SORBS2: variants seen among roughly 807,000 people sequenced by gnomAD.
The protein encoded by SORBS2 is sorbin and SH3 domain-containing protein 2.
A neutral mutation model predicts 97.7 loss-of-function variants in SORBS2; 46 were observed. The observed-to-expected ratio is 0.47, with a 90% CI of 0.37 to 0.60. The LOEUF is 0.60. Among genes scored for constraint, SORBS2 ranks in the 20% least tolerant of loss-of-function variants. SORBS2 has a pLI of 0.00. For synonymous variants in SORBS2, 476 were observed against 473.4 expected, an observed-to-expected ratio of 1.01 and a Z score of -0.07; for missense variants, 1,316 against 1,282.3, an observed-to-expected ratio of 1.03 and a Z score of -0.40.
At chr4:185,885,054 G>GA (rs983927799) in intron 1 of SORBS2, among the ~76,000 whole-genome samples, 28 of 150,870 alleles carry the variant, frequency 1.9e-4, no homozygotes, top group South Asian at 4.2e-4. Context: ...GCAACAAGAA[G>GA]AAAAAAAAAT....
In SORBS2 at chr4:185,905,757, C is replaced by CCCGG. The variant is rs1352032348; in HGVS notation, c.-338+50435_-338+50438dup. On this transcript the variant is annotated intron_variant, in intron 1 of 20. Transcript: ENST00000284776. ...GGGATTACACACATGAGCTACTAGG[C>CCCGG]CCGGCCTCTTCTGTCTTTTTGTAGG... Among the ~76,000 whole-genome samples the CCCGG allele has an allele frequency of 3.9e-5, 6 of 152,274 alleles. No individual in the cohort carries two copies. The East Asian group carries it at 1.2e-3, about 29-fold the overall frequency.
At chr4:185,874,050 C>G (rs1247957990) in intron 1 of SORBS2, among the ~76,000 whole-genome samples, 1 of 152,098 alleles carries the variant, frequency 6.6e-6, no homozygotes, top group Non-Finnish European at 1.5e-5. Flanking sequence ...TTCACTTACT[C>G]TTTATTCTGA....
chr4:185,815,147 T>C (rs999366991), intron 1 of SORBS2, among the ~76,000 whole-genome samples: 1 of 152,206 alleles, frequency 6.6e-6, no homozygotes, highest in Non-Finnish European at 1.5e-5. Flanking sequence ...GCTAATATAA[T>C]AGGTGCAGAG....
At position 185,820,630 on chromosome 4, in the gene SORBS2, C is replaced by G. The variant is rs543776567; in HGVS notation, c.-337-45264G>C. ...GCGGACACCTTGCCTGCGGGGAAGG[C>G]CTACGGAGGCCTTGCAGACAGCGTC... is the stretch of plus-strand genomic sequence containing the variant. On this transcript the variant is annotated intron_variant, in intron 1 of 20. Coordinates refer to the SORBS2 transcript ENST00000284776. Among the ~76,000 whole-genome samples the G allele has an allele frequency of 2.0e-5, 3 of 152,292 alleles. No homozygotes were observed. In the South Asian group the frequency reaches 6.2e-4, roughly 32 times the overall value.
At chr4:185,758,573 C>T (rs1419148889) in intron 2 of SORBS2, among the ~76,000 whole-genome samples, 1 of 152,158 alleles carries the variant, frequency 6.6e-6, no homozygotes, top group Non-Finnish European at 1.5e-5. Context: ...CATCTCTTGC[C>T]GTCTCCTCCA....
intron 7 of SORBS2, 113 bp from the exon 20 acceptor site, chr4:185,620,264 C>T (rs375317201): frequency 3.6e-5 from 26 of 727,922 alleles, no homozygotes; most frequent in South Asian, 2.8e-4. Context: ...GGAGAGACAC[C>T]GTTATCGAAC....
intron 1 of SORBS2, among the ~76,000 whole-genome samples, chr4:185,862,670 C>T (rs2099224532): frequency 6.6e-6 from 1 of 152,224 alleles, no homozygotes; most frequent in Non-Finnish European, 1.5e-5. Flanking sequence ...ATTTCACACA[C>T]AATATGCAAG....
In SORBS2 at chr4:185,711,888, C is replaced by G. The variant is rs538498668; in HGVS notation, c.-197-33066G>C. ...ACACTCAGCTGACCGTGCTCCCCGC[C>G]ACCTATCCTCTCCACTGATGGAGTT... On this transcript the variant is annotated intron_variant, in intron 2 of 20. Transcript: ENST00000284776. Among the ~76,000 whole-genome samples, 502 of 152,270 alleles carry G rather than the reference C, an allele frequency of 3.3e-3. 3 individuals carry two copies. The highest frequency in any genetic ancestry group is 0.012 in the African/African-American group (479 of 41,546).
At position 185,796,128 on chromosome 4, in the gene SORBS2, A is replaced by G. The variant is rs2099103487; in HGVS notation, c.-337-20762T>C. On this transcript the variant is annotated intron_variant, in intron 1 of 20. Transcript: ENST00000284776. ...ACTGTGTTGCCCAGGGTGGTCTCAA[A>G]CTACTGGGCTCAAGTAATCCTCCTG... Among the ~76,000 whole-genome samples the G allele has an allele frequency of 2.0e-5, 3 of 152,270 alleles. 1 individual carries two copies. The South Asian group carries it at 6.2e-4, about 32-fold the overall frequency.
In SORBS2 at chr4:185,831,901, G is replaced by A. The variant is rs376649235; in HGVS notation, c.-337-56535C>T. On this transcript the variant is annotated intron_variant, in intron 1 of 20. Transcript: ENST00000284776. ...CATCTCTAAAGTGGAACTAATACTAGCACCTTATTAAAATGGTGAAAGATT... is the reference window on the plus strand; with the variant it reads ...CATCTCTAAAGTGGAACTAATACTAACACCTTATTAAAATGGTGAAAGATT... Among the ~76,000 whole-genome samples, 23 of 152,294 alleles carry A rather than the reference G, an allele frequency of 1.5e-4. No individual in the cohort carries two copies. In the East Asian group the frequency reaches 4.4e-3, roughly 29 times the overall value.
chr4:185,656,910 T>C, exon 1 of SORBS2: 1 of 1,239,234 alleles, frequency 8.1e-7, no homozygotes, highest in Non-Finnish European at 1.0e-6. Context: ...CAGACAGCTT[T>C]TCCTTTCCAT....
intron 1 of SORBS2, among the ~76,000 whole-genome samples, chr4:185,778,663 A>G (rs1247921241): frequency 6.6e-6 from 1 of 152,206 alleles, no homozygotes; most frequent in African/African-American, 2.4e-5. Context: ...TGACTCGAGC[A>G]TCTGCATACG....
At chr4:185,669,451 A>G (rs1021116315) in intron 4 of SORBS2, among the ~76,000 whole-genome samples, 1 of 152,140 alleles carries the variant, frequency 6.6e-6, no homozygotes, top group Non-Finnish European at 1.5e-5. Flanking sequence ...CAACACATCT[A>G]TAGTCATAAG....
rs1579268497 is a variant in SORBS2 at position 185,871,271 on chromosome 4, G to A, written c.-338+84925C>T. On this transcript the variant is annotated intron_variant, in intron 1 of 20. Coordinates refer to the SORBS2 transcript ENST00000284776. The stretch of plus-strand genomic sequence containing the variant: ...TGTATTTCAAAATATTCACGTTTCC[G>A]AGAATACCGAGGACATGAAGCTCAG... Among the ~76,000 whole-genome samples the A allele has an allele frequency of 3.3e-5, 5 of 152,038 alleles. No homozygotes were observed. In the East Asian group the frequency reaches 9.7e-4, roughly 29 times the overall value.
intron 5 of SORBS2, among the ~76,000 whole-genome samples, chr4:185,630,307 G>C (rs533661403): frequency 1.3e-5 from 2 of 152,142 alleles, no homozygotes; most frequent in East Asian, 3.9e-4. Flanking sequence ...AGGGGACTAA[G>C]GGAAGAGAAG....
intron 2 of SORBS2, among the ~76,000 whole-genome samples, chr4:185,681,524 G>C (rs967050057): frequency 1.3e-5 from 2 of 151,784 alleles, no homozygotes; most frequent in African/African-American, 4.8e-5. Flanking sequence ...GCTAGGACTA[G>C]GGGCCAGAGT....
chr4:185,837,090 G>A (rs1371923219), intron 1 of SORBS2, among the ~76,000 whole-genome samples: 1 of 152,166 alleles, frequency 6.6e-6, no homozygotes, highest in Non-Finnish European at 1.5e-5. Flanking sequence ...TCTTGCCTCT[G>A]CATAGGACCT....
At chr4:185,751,190 A>AAAAGAG in intron 2 of SORBS2, among the ~76,000 whole-genome samples, 45 of 86,444 alleles carry the variant, frequency 5.2e-4, no homozygotes, top group African/African-American at 1.6e-3. Context: ...AAAAAAAAAA[A>AAAAGAG]AGAGAAAGAG....
chr4:185,822,937 A>G (rs1009005308), intron 1 of SORBS2, among the ~76,000 whole-genome samples: 4 of 152,236 alleles, frequency 2.6e-5, no homozygotes, highest in African/African-American at 7.2e-5. Context: ...CCAAAGGAAA[A>G]AATTAAGCTG....
Sources: gnomAD v4.1 joint callset for allele counts (sites outside exome capture counted in the v4.1 genomes callset) on GRCh38, gnomAD v4.1.1 for gene constraint, MANE v1.5 for transcripts, NCBI Gene and HGNC (gene_info 2026-07-23, HGNC 2026-07-21) for gene names.